Variants in NACC1 observed in about 807,000 individuals in gnomAD.
The protein encoded by NACC1 is nucleus accumbens-associated protein 1.
In NACC1, 6 loss-of-function variants were observed where a neutral mutation model predicts 41.7. The ratio of observed to expected loss-of-function variants is 0.14; its 90% CI spans 0.08 to 0.28. The LOEUF (loss-of-function observed/expected upper bound fraction) is 0.28, where lower values mean the gene tolerates loss of function less well. Ranked by LOEUF, NACC1 falls within the 10% of genes least tolerant of loss-of-function variation. The pLI is 1.00. For missense variants in NACC1, 434 were observed against 763.7 expected (o/e 0.57, Z 5.09); for synonymous variants, 338 against 330.6 (o/e 1.02, Z -0.24).
At chr19:13,128,989 T>C (rs974387318) in intron 1 of NACC1, among the ~76,000 whole-genome samples, 4 of 152,174 alleles carry the variant, frequency 2.6e-5, no homozygotes, top group Admixed American at 6.5e-5. Flanking sequence ...GATTCTCATA[T>C]GGTTTTCTGC....
intron 1 of NACC1, among the ~76,000 whole-genome samples, chr19:13,131,148 C>G (rs1200661714): frequency 6.6e-6 from 1 of 152,194 alleles, no homozygotes; most frequent in Non-Finnish European, 1.5e-5. Flanking sequence ...CTAGACAGCT[C>G]CACATAAGCA....
At chr19:13,125,393 T>C (rs764120820) in intron 1 of NACC1, among the ~76,000 whole-genome samples, 44 of 147,636 alleles carry the variant, frequency 3.0e-4, no homozygotes, top group Non-Finnish European at 5.2e-4. Context: ...CCTGACTGAA[T>C]CAACTCCCGA....
chr19:13,120,281 C>CA (rs1481333452), intron 1 of NACC1, among the ~76,000 whole-genome samples: 4 of 152,178 alleles, frequency 2.6e-5, no homozygotes, highest in African/African-American at 7.2e-5. Flanking sequence ...CTGGCACCAC[C>CA]AGGGCTGGAC....
Position 13,136,194 on chromosome 19 carries a change from G to C in NACC1, c.947-38G>C, listed in dbSNP as rs759463243. ...GTCCCCCATCCCACCAGCCACCCCT[G>C]CTCCTCCTGCCACTCGCGTGCCACT... On this transcript the variant is annotated intron_variant, in intron 2 of 5. Transcript: ENST00000292431. The surrounding 1 kb of genome is among the most constrained non-coding windows in gnomAD (Gnocchi z 5.5). 24 of 1,603,036 alleles carry C rather than the reference G, an allele frequency of 1.5e-5. No homozygotes were observed. Among genetic ancestry groups the C allele is most frequent in the Non-Finnish European group, 1.7e-5 (20 of 1,173,794 alleles).
chr19:13,136,362 C>G lies in NACC1; in HGVS notation c.1077C>G (p.Leu359=). 1 of 1,614,104 alleles carries G rather than the reference C, an allele frequency of 6.2e-7. No individual in the cohort carries two copies. Among genetic ancestry groups the G allele is most frequent in the Non-Finnish European group, 8.5e-7 (1 of 1,180,010 alleles). The change falls in exon 3 of 6, where the codon CTC becomes CTG. Residue 359 remains leucine, a synonymous_variant. Coordinates refer to ENST00000292431, the MANE Select transcript of NACC1 (RefSeq NM_052876.4). This position sits in a 1 kb window ranked among gnomAD's most constrained non-coding sequence, Gnocchi z 5.5. ...TTGGGAACCGCTGCCACCCCAAGCTCTACGACGAGGGCGACCCCTCTGAGA... is the reference window on the plus strand; with the variant it reads ...TTGGGAACCGCTGCCACCCCAAGCTGTACGACGAGGGCGACCCCTCTGAGA... The part of the protein sequence containing the change: ...NQIGNRCHPK[L]YDEGDPSEKL...
rs201258575 is a variant in NACC1, at chr19:13,138,263, G to T, written c.1441G>T (p.Val481Leu). The T allele has an allele frequency of 1.2e-6, 2 of 1,614,244 alleles. No individual in the cohort carries two copies. Among genetic ancestry groups the T allele is most frequent in the Non-Finnish European group, 1.7e-6 (2 of 1,180,044 alleles). Residue 481 changes from valine (V) to leucine (L), a missense_variant, in exon 6 of 6, where the codon GTG becomes TTG. This residue lies in a region of NACC1 where 63 missense variants were observed against 68.4 expected (regional missense o/e 0.92). Coordinates refer to ENST00000292431, the MANE Select transcript of NACC1 (RefSeq NM_052876.4). This position sits in a 1 kb window ranked among gnomAD's most constrained non-coding sequence, Gnocchi z 5.7. ...VRKSWMPKVK[V>L]LKAEDDAYTT... is the part of the protein sequence containing the mutation. ...CAAGAGCTGGATGCCCAAGGTCAAG[G>T]TGCTCAAGGCTGAGGATGACGCCTA...
chr19:13,135,119 G>C, intron 1 of NACC1, 81 bp from the exon 2 acceptor site: 1 of 1,451,048 alleles, frequency 6.9e-7, no homozygotes, highest in South Asian at 1.5e-5. Context: ...TTTGGGGCCA[G>C]GGCTAGGCCA....
In NACC1 at chr19:13,135,833, C is replaced by T. The variant is rs1283285154; in HGVS notation, c.626C>T (p.Pro209Leu). 1.6e-5 allele frequency: 25 copies of T among 1,552,990 alleles called. No individual in the cohort carries two copies. The highest frequency in any genetic ancestry group is 7.2e-5 in the East Asian group (3 of 41,628). The change falls in exon 2 of 6, where the codon CCG becomes CTG. Residue 209 changes from proline to leucine, a missense_variant. Physicochemically the swap from Pro to Leu is moderately conservative, Grantham distance 98. This residue lies in a region of NACC1 where 234 missense variants were observed against 308.3 expected (regional missense o/e 0.76). Transcript: ENST00000292431. The stretch of plus-strand genomic sequence containing the variant: ...CGCAAGATGGCCAAGTTCTCCACGC[C>T]GGACCTGGCTGCCAACCGGCCTCAC... Reference protein sequence around the residue: ...GSRKMAKFSTPDLAANRPHQP... With the variant: ...GSRKMAKFSTLDLAANRPHQP...
In NACC1 at chr19:13,138,278, G is replaced by A; in HGVS notation, c.1456G>A (p.Asp486Asn). Reference protein sequence around the residue: ...MPKVKVLKAEDDAYTTFISET... With the variant: ...MPKVKVLKAENDAYTTFISET... Reference sequence around the variant, plus strand: ...CAAGGTCAAGGTGCTCAAGGCTGAGGATGACGCCTACACCACCTTCATCAG... The same window carrying A: ...CAAGGTCAAGGTGCTCAAGGCTGAGAATGACGCCTACACCACCTTCATCAG... Residue 486 changes from aspartate to asparagine, a missense_variant, in exon 6 of 6, where the codon GAT becomes AAT. Asp to Asn is a conservative substitution (Grantham distance 23). Around this residue, in one of 4 missense-constraint regions of NACC1, gnomAD observed 63 missense variants for 68.4 expected, o/e 0.92. Coordinates refer to ENST00000292431, the MANE Select transcript of NACC1 (RefSeq NM_052876.4). This position sits in a 1 kb window ranked among gnomAD's most constrained non-coding sequence, Gnocchi z 5.7. 1 of 1,614,226 alleles carries A rather than the reference G, an allele frequency of 6.2e-7. No individual in the cohort carries two copies. The highest frequency in any genetic ancestry group is 8.5e-7 in the Non-Finnish European group (1 of 1,180,038).
At chr19:13,117,789 G>A (rs956718139), upstream of NACC1, among the ~76,000 whole-genome samples, 3 of 152,010 alleles carry the variant, frequency 2.0e-5, no homozygotes, top group African/African-American at 7.3e-5. Flanking sequence ...CCTGACCTCA[G>A]GCGATCCACC....
chr19:13,123,331 G>A (rs62109911), intron 1 of NACC1, among the ~76,000 whole-genome samples: 23,718 of 152,116 alleles, frequency 0.16, 2,364 homozygotes, highest in South Asian at 0.29. Context: ...GGGAGGGAGC[G>A]GGCAGGCTGC....
chr19:13,135,619 GCCCCATCGTCGGAGC>G lies in NACC1; in HGVS notation c.416_430del (p.Pro139_Pro143del), dbSNP rs1236561890. On this transcript the variant is annotated inframe_deletion, in exon 2 of 6. Transcript: ENST00000292431. ...CTCCCAGGGCCTGCATGCGGAGGAG[GCCCCATCGTCGGAGC>G]CCCAGAGCCCCGTGGCGCAGACATC... The G allele has an allele frequency of 6.3e-7, 1 of 1,580,896 alleles. No homozygotes were observed. Among genetic ancestry groups the G allele is most frequent in the Admixed American group, 1.8e-5 (1 of 55,654 alleles).
intron 1 of NACC1, among the ~76,000 whole-genome samples, chr19:13,134,365 C>T (rs1016836237): frequency 2.0e-5 from 3 of 150,898 alleles, no homozygotes; most frequent in Non-Finnish European, 4.4e-5. Context: ...CAGCCTCATG[C>T]AATTTCTTTT....
At chr19:13,127,426 G>A (rs1260039787) in intron 1 of NACC1, among the ~76,000 whole-genome samples, 2 of 127,030 alleles carry the variant, frequency 1.6e-5, no homozygotes, top group East Asian at 2.3e-4. Flanking sequence ...GCCGGGTGCC[G>A]TGGCTCACGC....
intron 1 of NACC1, among the ~76,000 whole-genome samples, chr19:13,127,371 C>CT (rs147514422): frequency 0.066 from 1,886 of 28,520 alleles, 443 homozygotes; most frequent in Middle Eastern, 0.12. Context: ...TATACATATA[C>CT]TTTTTTTTTT....
rs1244640230 is a variant in NACC1 at position 13,138,562 on chromosome 19, CA to C, written c.*157del. The stretch of plus-strand genomic sequence containing the variant: ...CCCCTCCTGTCCTACCCCCTTTCCC[CA>C]CCGAGAGCTGGGCCGGGAGAGGACC... On this transcript the variant is annotated 3_prime_UTR_variant, in exon 6 of 6. Transcript: ENST00000292431. This position sits in a 1 kb window ranked among gnomAD's most constrained non-coding sequence, Gnocchi z 5.7. 1 of 1,153,562 alleles carries C rather than the reference CA, an allele frequency of 8.7e-7. No homozygotes were observed. Among genetic ancestry groups the C allele is most frequent in the African/African-American group, 1.5e-5 (1 of 64,828 alleles). The allele number at this position is 1,153,562 out of a possible 1,614,324, so 71.5% of individuals were successfully genotyped here.
In NACC1 at chr19:13,136,214, G is replaced by A; in HGVS notation, c.947-18G>A. On this transcript the variant is annotated intron_variant, in intron 2 of 5. Transcript: ENST00000292431. The surrounding 1 kb of genome is among the most constrained non-coding windows in gnomAD (Gnocchi z 5.5). ...CCCCTGCTCCTCCTGCCACTCGCGT[G>A]CCACTCTCTCCCTGCAGCCGAGAAG... 2 of 1,608,138 alleles carry A rather than the reference G, an allele frequency of 1.2e-6. No homozygotes were observed. Among genetic ancestry groups the A allele is most frequent in the South Asian group, 2.2e-5 (2 of 90,540 alleles).
Position 13,137,490 on chromosome 19 carries a change from C to T in NACC1, c.1239C>T (p.Ala413=). 1 of 1,603,252 alleles carries T rather than the reference C, an allele frequency of 6.2e-7. No homozygotes were observed. The highest frequency in any genetic ancestry group is 8.5e-7 in the Non-Finnish European group (1 of 1,174,856). ...LASFFDRNTL[A]NSCGTGIRSS... Reference sequence around the variant, plus strand: ...CCCCTGCCCCCAGGAACACGCTGGCCAACAGCTGCGGCACCGGCATCCGCT... The same window carrying T: ...CCCCTGCCCCCAGGAACACGCTGGCTAACAGCTGCGGCACCGGCATCCGCT... Residue 413 remains alanine, a synonymous_variant, in exon 5 of 6, where the codon GCC becomes GCT. Coordinates refer to ENST00000292431, the MANE Select transcript of NACC1 (RefSeq NM_052876.4). The surrounding 1 kb of genome is among the most constrained non-coding windows in gnomAD (Gnocchi z 6.1).
intron 1 of NACC1, among the ~76,000 whole-genome samples, chr19:13,130,888 A>T (rs1232186493): frequency 2.0e-5 from 3 of 152,114 alleles, no homozygotes; most frequent in Non-Finnish European, 1.5e-5. Context: ...ACTTTCAAAG[A>T]TGTCCACACT....
Sources: gnomAD v4.1 joint callset for allele counts (sites outside exome capture counted in the v4.1 genomes callset) on GRCh38, gnomAD v4.1.1 for gene constraint, gnomAD v4.1.1 regional missense constraint, Gnocchi (gnomAD v3.1) non-coding constraint, MANE v1.5 for transcripts, NCBI Gene and HGNC (gene_info 2026-07-23, HGNC 2026-07-21) for gene names.